Variants in SYN3 observed in about 807,000 individuals in gnomAD.
SYN3 encodes synapsin-3.
A neutral mutation model predicts 65.8 loss-of-function variants in SYN3; 35 were observed. The observed-to-expected ratio is 0.53, with a 90% confidence interval of 0.41 to 0.70. The LOEUF is 0.70. Ranked by LOEUF, SYN3 falls within the 30% of genes least tolerant of loss-of-function variation. The pLI is 0.00. For synonymous variants in SYN3, 270 were observed against 292.9 expected, an observed-to-expected ratio of 0.92 and a Z score of 0.80; for missense variants, 680 against 749.0, an observed-to-expected ratio of 0.91 and a Z score of 1.08.
At chr22:33,021,781 CTTAT>C (rs760383230) in intron 1 of SYN3, among the ~76,000 whole-genome samples, 1 of 63,848 alleles carries the variant, frequency 1.6e-5, no homozygotes, top group East Asian at 3.3e-4. Flanking sequence ...TATACTGTAA[CTTAT>C]TTTTTTTTTT....
chr22:32,749,296 G>GCC (rs58839126), intron 6 of SYN3, among the ~76,000 whole-genome samples: 25 of 73,416 alleles, frequency 3.4e-4, no homozygotes, highest in African/African-American at 8.0e-4. Flanking sequence ...ACCTCCCAAA[G>GCC]CCCCCCCCCC....
At chr22:32,641,852 A>G (rs1191135805) in intron 6 of SYN3, among the ~76,000 whole-genome samples, 3 of 152,154 alleles carry the variant, frequency 2.0e-5, no homozygotes, top group Non-Finnish European at 4.4e-5. Context: ...AAAACGAAAA[A>G]GTGCTTCCTG....
At chr22:32,864,831 C>A in intron 6 of SYN3, 84 bp downstream of exon 6, 2 of 1,276,316 alleles carry the variant, frequency 1.6e-6, no homozygotes, top group Non-Finnish European at 2.3e-6. Context: ...TAGAGTCCAC[C>A]TCCTCCATCC....
chr22:32,878,031 A>G (rs2049027553), intron 4 of SYN3, among the ~76,000 whole-genome samples: 1 of 152,234 alleles, frequency 6.6e-6, no homozygotes, highest in Non-Finnish European at 1.5e-5. Flanking sequence ...TTCAAGAAAC[A>G]AAGGCATAGA....
chr22:32,886,154 T>C (rs1003795521), intron 4 of SYN3, among the ~76,000 whole-genome samples: 10 of 152,220 alleles, frequency 6.6e-5, no homozygotes, highest in Non-Finnish European at 1.3e-4. Context: ...TAAGTGTGTT[T>C]ACAATGACAC....
chr22:32,752,693 C>T (rs1330422777), intron 6 of SYN3, among the ~76,000 whole-genome samples: 1 of 152,186 alleles, frequency 6.6e-6, no homozygotes, highest in African/African-American at 2.4e-5. Flanking sequence ...AAGCAAGCAG[C>T]CCCTGCTCTC....
At chr22:32,650,236 TCCC>T (rs1569124599) in intron 6 of SYN3, among the ~76,000 whole-genome samples, 2,198 of 82,028 alleles carry the variant, frequency 0.027, 145 homozygotes, top group African/African-American at 0.11. Flanking sequence ...TCTCTCTCCC[TCCC>T]TCCCTCCCTC....
chr22:32,627,295 G>A (rs2059682128), intron 6 of SYN3, among the ~76,000 whole-genome samples: 1 of 152,154 alleles, frequency 6.6e-6, no homozygotes, highest in South Asian at 2.1e-4. Flanking sequence ...AGGGGCCAGA[G>A]TCCATGGGGA....
intron 3 of SYN3, among the ~76,000 whole-genome samples, chr22:32,939,353 T>C (rs553585239): frequency 2.6e-5 from 4 of 152,288 alleles, no homozygotes; most frequent in Admixed American, 2.0e-4. Flanking sequence ...TTTTAAACCA[T>C]AGAACAGTGC....
chr22:32,704,390 C>T (rs2060851736), intron 6 of SYN3, among the ~76,000 whole-genome samples: 1 of 152,148 alleles, frequency 6.6e-6, no homozygotes, highest in African/African-American at 2.4e-5. Flanking sequence ...CTGCAAAGGA[C>T]ATGATCTCAT....
At chr22:32,825,832 A>G (rs572865339) in intron 6 of SYN3, among the ~76,000 whole-genome samples, 28 of 152,214 alleles carry the variant, frequency 1.8e-4, no homozygotes, top group African/African-American at 6.5e-4. Context: ...TTCTGTATCT[A>G]TGCAATTGAA....
At position 33,006,543 on chromosome 22, in the gene SYN3, C is replaced by T. The variant is rs759889617; in HGVS notation, c.120G>A (p.Met40Ile). The change falls in exon 2 of 14, where the codon ATG becomes ATA. Residue 40 changes from methionine (M) to isoleucine (I), a missense_variant. Physicochemically the swap from Met to Ile is conservative, Grantham distance 10. Coordinates refer to ENST00000358763, the MANE Select transcript of SYN3 (RefSeq NM_003490.4). Reference protein sequence around the residue: ...SSTSSPASPAMERRHPQPLAA... With the variant: ...SSTSSPASPAIERRHPQPLAA... ...CCAGGGGCTGGGGGTGCCTCCTCTC[C>T]ATGGCGGGGGAAGCAGGTGAGCTGG... 1.2e-6 allele frequency: 2 copies of T among 1,614,184 alleles called. No homozygotes were observed. Among genetic ancestry groups the T allele is most frequent in the South Asian group, 1.1e-5 (1 of 91,076 alleles).
chr22:32,562,555 G>A (rs1203979140), intron 7 of SYN3, among the ~76,000 whole-genome samples: 2 of 152,186 alleles, frequency 1.3e-5, no homozygotes, highest in East Asian at 1.9e-4. Context: ...CCACAATCTG[G>A]TCTTTCACGG....
chr22:32,635,062 A>ATTCT (rs2059796590), intron 6 of SYN3: 1 of 152,156 alleles, frequency 6.6e-6, no homozygotes, highest in African/African-American at 2.4e-5. Flanking sequence ...CTACTGGGAG[A>ATTCT]ACCCTCATGA....
At chr22:32,735,890 C>G (rs905942339) in intron 6 of SYN3, among the ~76,000 whole-genome samples, 2 of 152,190 alleles carry the variant, frequency 1.3e-5, no homozygotes, top group Admixed American at 1.3e-4. Context: ...CTGGCTGACC[C>G]GAGGGCAGAG....
chr22:32,965,543 CGTGTGT>C (rs10602672), intron 3 of SYN3, among the ~76,000 whole-genome samples: 4,830 of 147,100 alleles, frequency 0.033, 158 homozygotes, highest in African/African-American at 0.077. Context: ...ATGGTGCGTA[CGTGTGT>C]GTGTGTGTGT....
chr22:32,792,501 T>C (rs2145884994), intron 6 of SYN3, among the ~76,000 whole-genome samples: 1 of 152,342 alleles, frequency 6.6e-6, no homozygotes, highest in Non-Finnish European at 1.5e-5. Flanking sequence ...GTTCATTAGC[T>C]GTTAAAATAT....
At chr22:32,990,868 C>T (rs147357243) in intron 2 of SYN3, among the ~76,000 whole-genome samples, 13 of 151,598 alleles carry the variant, frequency 8.6e-5, no homozygotes, top group South Asian at 6.3e-4. Context: ...GCCAACATAG[C>T]GAAAACCCAT....
intron 1 of SYN3, among the ~76,000 whole-genome samples, chr22:33,023,524 T>A (rs576331681): frequency 6.6e-6 from 1 of 152,284 alleles, no homozygotes; most frequent in South Asian, 2.1e-4. Flanking sequence ...ATTGGCAGCA[T>A]GAGAATGGAC....
Sources: gnomAD v4.1 joint callset for allele counts (sites outside exome capture counted in the v4.1 genomes callset) on GRCh38, gnomAD v4.1.1 for gene constraint, MANE v1.5 for transcripts, NCBI Gene and HGNC (gene_info 2026-07-23, HGNC 2026-07-21) for gene names.